The following SATB2 variants were observed in gnomAD, a reference collection of about 807,000 sequenced individuals.
The protein encoded by SATB2 is DNA-binding protein SATB2.
A neutral mutation model predicts 73.4 loss-of-function variants in SATB2; 1 was observed. The ratio of observed to expected loss-of-function variants is 0.01; its 90% CI spans 0.00 to 0.06. SATB2 has a LOEUF of 0.06. SATB2 is among the 10% of genes least tolerant of loss of function. The probability of loss-of-function intolerance (pLI) is 1.00; values close to 1 mark genes in which losing one functional copy is unlikely to be tolerated. For missense variants in SATB2, 459 were observed against 945.8 expected (o/e 0.49, Z 6.75); for synonymous variants, 397 against 367.0 (o/e 1.08, Z -0.93).
chr2:199,357,673 T>C (rs1689025996), intron 6 of SATB2, among the ~76,000 whole-genome samples: 1 of 152,232 alleles, frequency 6.6e-6, no homozygotes, highest in African/African-American at 2.4e-5. Flanking sequence ...CTGTAAGATA[T>C]ATATATGTGC....
At position 199,463,844 on chromosome 2, in the gene SATB2, A is replaced by T. The variant is rs1024693002; in HGVS notation, c.-141+992T>A. Among the ~76,000 whole-genome samples, 5 of 152,224 alleles carry T rather than the reference A, an allele frequency of 3.3e-5. No homozygotes were observed. Among genetic ancestry groups the T allele is most frequent in the African/African-American group, 1.2e-4 (5 of 41,470 alleles). On this transcript the variant is annotated intron_variant, in intron 1 of 11. Transcript: ENST00000260926. This position sits in a 1 kb window ranked among gnomAD's most constrained non-coding sequence, Gnocchi z 6.4. Reference sequence around the variant, plus strand: ...CCGCACCCCAAATTTCAGGCAGGCCAGCAGGCGTCCAGAAATCCGCTCCCA... The same window carrying T: ...CCGCACCCCAAATTTCAGGCAGGCCTGCAGGCGTCCAGAAATCCGCTCCCA...
intron 3 of SATB2, among the ~76,000 whole-genome samples, chr2:199,413,849 C>A (rs555790003): frequency 1.3e-5 from 2 of 152,010 alleles, no homozygotes; most frequent in East Asian, 1.9e-4. Flanking sequence ...AGGTCCCTGG[C>A]GGCATTGTGA....
At chr2:199,438,288 T>C (rs1691712119) in intron 2 of SATB2, among the ~76,000 whole-genome samples, 1 of 152,188 alleles carries the variant, frequency 6.6e-6, no homozygotes, top group Non-Finnish European at 1.5e-5. Flanking sequence ...CTAATGAATC[T>C]GCCTAATAAC....
intron 6 of SATB2, among the ~76,000 whole-genome samples, chr2:199,365,523 C>T (rs1359238772): frequency 2.6e-5 from 4 of 152,012 alleles, no homozygotes; most frequent in Admixed American, 6.6e-5. Flanking sequence ...AAAAGGTAAA[C>T]AGAATGTGCT....
intron 3 of SATB2, among the ~76,000 whole-genome samples, chr2:199,398,603 T>C (rs555408161): frequency 6.6e-6 from 1 of 152,302 alleles, no homozygotes; most frequent in South Asian, 2.1e-4. Flanking sequence ...CTCGATCTCC[T>C]TATCTGTAAA....
chr2:199,386,693 CAA>C (rs1491061846), intron 3 of SATB2, among the ~76,000 whole-genome samples: 3,172 of 10,166 alleles, frequency 0.31, 119 homozygotes, highest in African/African-American at 0.43. Context: ...TACACGTGCG[CAA>C]GCGCGCGCGC....
chr2:199,463,948 G>A lies in SATB2; in HGVS notation c.-141+888C>T, dbSNP rs1692537517. On this transcript the variant is annotated intron_variant, in intron 1 of 11. Coordinates refer to the SATB2 transcript ENST00000260926. This position sits in a 1 kb window ranked among gnomAD's most constrained non-coding sequence, Gnocchi z 6.4. Reference sequence around the variant, plus strand: ...GCAGTTGCCTCCCGAACGCTTTGAGGCTATGGGCCCACGCCGGTCTTGAAC... The same window carrying A: ...GCAGTTGCCTCCCGAACGCTTTGAGACTATGGGCCCACGCCGGTCTTGAAC... Among the ~76,000 whole-genome samples the A allele has an allele frequency of 6.6e-6, 1 of 152,168 alleles. No homozygotes were observed. The highest frequency in any genetic ancestry group is 1.5e-5 in the Non-Finnish European group (1 of 68,024).
At chr2:199,446,473 G>A (rs1200577456) in intron 2 of SATB2, among the ~76,000 whole-genome samples, 2 of 151,792 alleles carry the variant, frequency 1.3e-5, no homozygotes, top group Non-Finnish European at 2.9e-5. Flanking sequence ...CATGGAGAAG[G>A]TGATCGTATG....
intron 3 of SATB2, among the ~76,000 whole-genome samples, chr2:199,422,888 C>T (rs1028038118): frequency 1.2e-4 from 18 of 152,224 alleles, no homozygotes; most frequent in Admixed American, 2.6e-4. Context: ...ATTTCCCTCA[C>T]AAAAGCAAAA....
chr2:199,288,651 TTAA>T (rs1233639660), intron 10 of SATB2, among the ~76,000 whole-genome samples: 1 of 152,184 alleles, frequency 6.6e-6, no homozygotes, highest in African/African-American at 2.4e-5. Context: ...ATGTAACCAC[TTAA>T]TAACAGGACT....
chr2:199,299,558 C>T (rs1203971780), intron 10 of SATB2, among the ~76,000 whole-genome samples: 1 of 151,974 alleles, frequency 6.6e-6, no homozygotes, highest in African/African-American at 2.4e-5. Flanking sequence ...GCAAGGTAGC[C>T]AGAGGGAAAA....
upstream of SATB2, among the ~76,000 whole-genome samples, chr2:199,468,601 C>T (rs562679650): frequency 3.3e-5 from 5 of 152,336 alleles, no homozygotes; most frequent in East Asian, 5.8e-4. Flanking sequence ...CCTCCCTGAG[C>T]GGAGCTCCAG....
At chr2:199,404,273 C>T (rs1690569548) in intron 3 of SATB2, among the ~76,000 whole-genome samples, 1 of 152,206 alleles carries the variant, frequency 6.6e-6, no homozygotes, top group Non-Finnish European at 1.5e-5. Context: ...TGTGGACCTA[C>T]TCGCTCTCAT....
intron 6 of SATB2, among the ~76,000 whole-genome samples, chr2:199,353,414 C>G (rs1688881061): frequency 6.6e-6 from 1 of 152,074 alleles, no homozygotes; most frequent in Non-Finnish European, 1.5e-5. Context: ...CTCGGCCTCC[C>G]AAATTGCTAG....
intron 5 of SATB2, among the ~76,000 whole-genome samples, chr2:199,373,433 T>C (rs1439196559): frequency 6.6e-6 from 1 of 152,194 alleles, no homozygotes; most frequent in Non-Finnish European, 1.5e-5. Context: ...CTGTCCCCAC[T>C]TCTGAGCTAT....
intron 3 of SATB2, among the ~76,000 whole-genome samples, chr2:199,421,346 T>C (rs1413378565): frequency 6.6e-6 from 1 of 152,116 alleles, no homozygotes; most frequent in African/African-American, 2.4e-5. Flanking sequence ...CAAAAAGGAT[T>C]ACAACCCATC....
chr2:199,300,841 G>C (rs1350988218), intron 10 of SATB2, among the ~76,000 whole-genome samples: 2 of 152,096 alleles, frequency 1.3e-5, no homozygotes, highest in Admixed American at 6.6e-5. Flanking sequence ...GGCAGGAAAA[G>C]ACTGAGCGAA....
chr2:199,400,213 C>A (rs775606696), intron 3 of SATB2, among the ~76,000 whole-genome samples: 1 of 152,186 alleles, frequency 6.6e-6, no homozygotes, highest in Admixed American at 6.5e-5. Context: ...AACCTCCTTT[C>A]CCCATTAAAA....
intron 3 of SATB2, among the ~76,000 whole-genome samples, chr2:199,408,157 G>A (rs137998241): frequency 4.4e-4 from 67 of 152,138 alleles, no homozygotes; most frequent in South Asian, 2.1e-3. Context: ...CGTGGGCCCC[G>A]CCTATTCAAC....
Sources: gnomAD v4.1 joint callset for allele counts (sites outside exome capture counted in the v4.1 genomes callset) on GRCh38, gnomAD v4.1.1 for gene constraint, Gnocchi (gnomAD v3.1) non-coding constraint, MANE v1.5 for transcripts, NCBI Gene and HGNC (gene_info 2026-07-23, HGNC 2026-07-21) for gene names.